The following CAST variants were observed in gnomAD, a reference collection of about 807,000 sequenced individuals.
The protein encoded by CAST is MIR583 host.
A neutral mutation model predicts 119.6 loss-of-function variants in CAST; 76 were observed. That is an observed-to-expected ratio of 0.64 (90% confidence interval 0.53 to 0.77). The LOEUF (loss-of-function observed/expected upper bound fraction) is 0.77, where lower values mean the gene tolerates loss of function less well. Ranked by LOEUF, CAST falls within the 30% of genes least tolerant of loss-of-function variation. The pLI is 0.00. For missense variants in CAST, 953 were observed against 946.5 expected (o/e 1.01, Z -0.09); for synonymous variants, 319 against 331.6 (o/e 0.96, Z 0.41).
chr5:96,768,237 C>T (rs1442855144), intron 29 of CAST, among the ~76,000 whole-genome samples: 1 of 151,998 alleles, frequency 6.6e-6, no homozygotes, highest in Non-Finnish European at 1.5e-5. Flanking sequence ...GCGTGCACCA[C>T]CACACCCAGC....
At chr5:96,556,699 T>G (rs1036893366) in intron 1 of CAST, among the ~76,000 whole-genome samples, 7 of 152,102 alleles carry the variant, frequency 4.6e-5, no homozygotes, top group Non-Finnish European at 8.8e-5. Flanking sequence ...CCAAGAAATA[T>G]GGGACTATGT....
the CAST span, among the ~76,000 whole-genome samples, chr5:95,989,809 G>C: frequency 0.018 from 2,677 of 152,138 alleles, 49 homozygotes; most frequent in South Asian, 0.047. Flanking sequence ...TTAGCTGAGA[G>C]GTCAACAGTA....
At chr5:96,281,535 G>A in the CAST span, among the ~76,000 whole-genome samples, 71 of 152,284 alleles carry the variant, frequency 4.7e-4, no homozygotes, top group Non-Finnish European at 8.5e-4. Flanking sequence ...GGGTCTAGTT[G>A]TAAGCAATTC....
the CAST span, chr5:96,318,492 A>T: frequency 6.6e-6 from 1 of 152,262 alleles, no homozygotes. Context: ...CCAGAGGGCC[A>T]TAGTCTTCAT....
the CAST span, among the ~76,000 whole-genome samples, chr5:96,420,944 G>A: frequency 6.6e-6 from 1 of 152,182 alleles, no homozygotes; most frequent in African/African-American, 2.4e-5. Context: ...CTCACTTGTA[G>A]CAACAAGCCC....
At chr5:96,164,723 G>A in the CAST span, among the ~76,000 whole-genome samples, 1 of 152,206 alleles carries the variant, frequency 6.6e-6, no homozygotes, top group African/African-American at 2.4e-5. Context: ...GAGAAAAAGT[G>A]CAGAGAAAAA....
At chr5:95,979,985 G>A in the CAST span, among the ~76,000 whole-genome samples, 42 of 152,058 alleles carry the variant, frequency 2.8e-4, 1 homozygote, top group Admixed American at 1.6e-3. Context: ...AGGCATGGTG[G>A]TGGGCACCTG....
chr5:96,049,437 T>C, the CAST span, among the ~76,000 whole-genome samples: 1 of 152,294 alleles, frequency 6.6e-6, no homozygotes, highest in African/African-American at 2.4e-5. Context: ...GAAAGGAGTC[T>C]GAATTAAGGC....
At chr5:96,050,286 GA>G in the CAST span, 1 of 152,216 alleles carries the variant, frequency 6.6e-6, no homozygotes, top group Admixed American at 6.6e-5. Context: ...TAGGAATGGT[GA>G]AGTTTTGTTT....
the CAST span, among the ~76,000 whole-genome samples, chr5:96,195,061 TATATA>T: frequency 6.6e-6 from 1 of 152,246 alleles, no homozygotes; most frequent in Admixed American, 6.5e-5. Flanking sequence ...GAGGCTTTCA[TATATA>T]ATAATCCTTG....
chr5:96,663,381 A>C (rs1250641814), intron 1 of CAST, among the ~76,000 whole-genome samples: 1 of 152,156 alleles, frequency 6.6e-6, no homozygotes, highest in African/African-American at 2.4e-5. Context: ...AGCGCGCCCG[A>C]GCGTGCGCGG....
intron 3 of CAST, among the ~76,000 whole-genome samples, chr5:96,712,138 A>G (rs1019847600): frequency 6.6e-6 from 1 of 152,212 alleles, no homozygotes; most frequent in African/African-American, 2.4e-5. Context: ...AATGTGTTCT[A>G]TCTATTCCAC....
At position 96,772,643 on chromosome 5, in the gene CAST, T is replaced by C. The variant is rs931261474; in HGVS notation, c.*27T>C. 3 of 152,760 alleles carry C rather than the reference T, an allele frequency of 2.0e-5. No homozygotes were observed. Among genetic ancestry groups the C allele is most frequent in the African/African-American group, 7.2e-5 (3 of 41,456 alleles). The allele number at this position is 152,760 out of a possible 1,614,324, so 9.5% of individuals were successfully genotyped here. ...TTTTTTATTTGAAATTTTTAAGGTA[T>C]CTGCATGTAAAATCTTCAGCTGGTG... On this transcript the variant is annotated 3_prime_UTR_variant, in exon 32 of 32. Coordinates refer to ENST00000675179, the MANE Select transcript of CAST (RefSeq NM_001750.7).
At chr5:96,422,967 A>T in the CAST span, among the ~76,000 whole-genome samples, 4 of 151,054 alleles carry the variant, frequency 2.6e-5, no homozygotes, top group African/African-American at 7.4e-5. Flanking sequence ...GGAAACTGTG[A>T]CAATGATCTC....
the CAST span, among the ~76,000 whole-genome samples, chr5:96,430,493 C>T: frequency 1.1e-4 from 17 of 152,228 alleles, no homozygotes; most frequent in South Asian, 2.1e-4. Flanking sequence ...AATCAGCAGC[C>T]GCAGAAAAAG....
the CAST span, among the ~76,000 whole-genome samples, chr5:96,155,127 G>T: frequency 2.0e-5 from 3 of 152,164 alleles, no homozygotes; most frequent in Admixed American, 6.5e-5. Context: ...TTTTGGTGTT[G>T]TGAATAAGGG....
At chr5:96,475,132 C>A in the CAST span, among the ~76,000 whole-genome samples, 1 of 152,124 alleles carries the variant, frequency 6.6e-6, no homozygotes, top group African/African-American at 2.4e-5. Flanking sequence ...TCCGTCCCTG[C>A]CCCCAGAGTG....
At chr5:96,428,494 G>T in the CAST span, among the ~76,000 whole-genome samples, 4 of 152,146 alleles carry the variant, frequency 2.6e-5, no homozygotes, top group Non-Finnish European at 5.9e-5. Flanking sequence ...CTTGAAAATA[G>T]ACTTCAAAAT....
chr5:96,461,238 C>T, the CAST span, among the ~76,000 whole-genome samples: 2 of 152,084 alleles, frequency 1.3e-5, no homozygotes, highest in African/African-American at 4.8e-5. Flanking sequence ...ATGGATATCT[C>T]ACATATTGTT....
Sources: allele counts gnomAD v4.1 joint callset (sites outside exome capture counted in the v4.1 genomes callset), GRCh38; gene constraint gnomAD v4.1.1; transcripts MANE v1.5; gene names NCBI Gene and HGNC (gene_info 2026-07-23, HGNC 2026-07-21).